The following CELF4 variants were observed in gnomAD, a reference collection of about 807,000 sequenced individuals.
CELF4 encodes CUGBP Elav-like family member 4.
A neutral mutation model predicts 59.9 loss-of-function variants in CELF4; 18 were observed. The observed-to-expected ratio is 0.30, with a 90% CI of 0.21 to 0.45. CELF4 has a LOEUF of 0.45. Ranked by LOEUF, CELF4 falls within the 20% of genes least tolerant of loss-of-function variation. The pLI is 1.00. For missense variants in CELF4, 456 were observed against 689.0 expected, an observed-to-expected ratio of 0.66 and a Z score of 3.79; for synonymous variants, 261 against 267.1, an observed-to-expected ratio of 0.98 and a Z score of 0.22.
intron 3 of CELF4, among the ~76,000 whole-genome samples, chr18:37,277,155 C>T (rs777442711): frequency 7.9e-5 from 12 of 152,212 alleles, no homozygotes; most frequent in East Asian, 1.9e-4. Flanking sequence ...TCAGTCCAGA[C>T]GCACTCAGCA....
intron 12 of CELF4, among the ~76,000 whole-genome samples, chr18:37,249,409 T>G (rs1469638249): frequency 2.0e-5 from 3 of 152,090 alleles, no homozygotes; most frequent in Admixed American, 2.0e-4. Context: ...CTCTGCCTGC[T>G]CCTCTCCCAG....
intron 2 of CELF4, among the ~76,000 whole-genome samples, chr18:37,464,999 T>A (rs1039753448): frequency 6.6e-6 from 1 of 152,152 alleles, no homozygotes; most frequent in Non-Finnish European, 1.5e-5. Flanking sequence ...ATCACCATTA[T>A]CCTGCTTCCG....
At chr18:37,552,009 C>G (rs1413849670) in intron 1 of CELF4, among the ~76,000 whole-genome samples, 1 of 152,244 alleles carries the variant, frequency 6.6e-6, no homozygotes, top group Admixed American at 6.5e-5. Context: ...CTTGTCAGCT[C>G]TCCAGCCTTC....
intron 3 of CELF4, among the ~76,000 whole-genome samples, chr18:37,286,977 C>G (rs1321164722): frequency 2.0e-5 from 3 of 152,142 alleles, no homozygotes; most frequent in Non-Finnish European, 4.4e-5. Context: ...AAGTCCTGCC[C>G]TGTAGCACCA....
intron 2 of CELF4, among the ~76,000 whole-genome samples, chr18:37,407,221 C>T (rs1034705491): frequency 3.3e-5 from 5 of 152,254 alleles, no homozygotes; most frequent in Middle Eastern, 3.4e-3. Flanking sequence ...GTTGGGCACA[C>T]GGGAAACTCT....
At chr18:37,492,852 A>G (rs542763170) in intron 1 of CELF4, among the ~76,000 whole-genome samples, 23 of 152,068 alleles carry the variant, frequency 1.5e-4, no homozygotes, top group Non-Finnish European at 2.5e-4. Flanking sequence ...GAACAACTTG[A>G]GGCTGGGCCC....
rs371782974 is a variant in CELF4 at position 37,377,709 on chromosome 18, G to A, written c.370-55828C>T. ...GGACATGTCTTGAGTTACTCAAGTC[G>A]AACTCTGCCTTTGGGGTTGGGGTCA... On this transcript the variant is annotated intron_variant, in intron 2 of 12. Transcript: ENST00000420428. Among the ~76,000 whole-genome samples the A allele has an allele frequency of 5.9e-5, 9 of 152,282 alleles. No homozygotes were observed. The South Asian group carries it at 1.5e-3, about 25-fold the overall frequency.
chr18:37,441,986 G>A (rs1352376309), intron 2 of CELF4, among the ~76,000 whole-genome samples: 1 of 65,700 alleles, frequency 1.5e-5, no homozygotes, highest in East Asian at 1.0e-3. Context: ...GAACCTAGAT[G>A]ACACAGTGCG....
chr18:37,555,195 CG>C (rs1337848228), intron 1 of CELF4, among the ~76,000 whole-genome samples: 2 of 152,172 alleles, frequency 1.3e-5, no homozygotes, highest in Admixed American at 6.5e-5. Flanking sequence ...CTTCACACAG[CG>C]GGGGCAAGCA....
At chr18:37,406,651 G>C (rs938847190) in intron 2 of CELF4, among the ~76,000 whole-genome samples, 1 of 152,200 alleles carries the variant, frequency 6.6e-6, no homozygotes, top group African/African-American at 2.4e-5. Context: ...ATTGAAAGAA[G>C]AAAATATTTT....
At chr18:37,405,483 T>C (rs1337551705) in intron 2 of CELF4, among the ~76,000 whole-genome samples, 1 of 152,276 alleles carries the variant, frequency 6.6e-6, no homozygotes, top group Non-Finnish European at 1.5e-5. Context: ...AGAGGGGCTC[T>C]GCCCCGGGAT....
chr18:37,265,639 AGGAGTGGCC>A (rs1040104795), intron 9 of CELF4, among the ~76,000 whole-genome samples: 3 of 152,294 alleles, frequency 2.0e-5, no homozygotes, highest in African/African-American at 7.2e-5. Context: ...GAGGTAGGAC[AGGAGTGGCC>A]GGCTCCCTCC....
At chr18:37,521,036 A>T (rs930860624) in intron 1 of CELF4, among the ~76,000 whole-genome samples, 7 of 146,634 alleles carry the variant, frequency 4.8e-5, no homozygotes, top group African/African-American at 1.8e-4. Flanking sequence ...ATCTGCCCAG[A>T]CAGCCTAGGG....
At chr18:37,550,292 A>G (rs1477980901) in intron 1 of CELF4, among the ~76,000 whole-genome samples, 1 of 152,226 alleles carries the variant, frequency 6.6e-6, no homozygotes, top group Non-Finnish European at 1.5e-5. Context: ...ATGATGTAAT[A>G]AAAATTCACT....
At chr18:37,542,119 A>G (rs537082141) in intron 1 of CELF4, among the ~76,000 whole-genome samples, 46 of 152,260 alleles carry the variant, frequency 3.0e-4, no homozygotes, top group African/African-American at 1.1e-3. Flanking sequence ...TGCCTAGGGT[A>G]GAAGTGGGAG....
intron 2 of CELF4, among the ~76,000 whole-genome samples, chr18:37,441,050 T>A (rs954850951): frequency 5.3e-5 from 8 of 152,244 alleles, no homozygotes; most frequent in Non-Finnish European, 1.0e-4. Flanking sequence ...CCGCTGCTGA[T>A]ACCTAGACCG....
intron 3 of CELF4, among the ~76,000 whole-genome samples, chr18:37,300,778 A>G (rs2095976031): frequency 6.6e-6 from 1 of 152,246 alleles, no homozygotes; most frequent in South Asian, 2.1e-4. Flanking sequence ...GGGCTGCATT[A>G]GGTTGGAAGT....
chr18:37,468,642 C>T (rs564602478), intron 2 of CELF4, among the ~76,000 whole-genome samples: 1 of 152,174 alleles, frequency 6.6e-6, no homozygotes, highest in African/African-American at 2.4e-5. Flanking sequence ...ATACCTGAGA[C>T]TGGGTAATTT....
At chr18:37,392,828 C>T (rs1355967668) in intron 2 of CELF4, among the ~76,000 whole-genome samples, 2 of 152,240 alleles carry the variant, frequency 1.3e-5, no homozygotes, top group Admixed American at 6.5e-5. Context: ...CCTGACACCA[C>T]ATCTCAAACA....
Sources: gnomAD v4.1 joint callset for allele counts (sites outside exome capture counted in the v4.1 genomes callset) on GRCh38, gnomAD v4.1.1 for gene constraint, MANE v1.5 for transcripts, NCBI Gene and HGNC (gene_info 2026-07-23, HGNC 2026-07-21) for gene names.